NRG3: variants seen among roughly 807,000 people sequenced by gnomAD.
NRG3 encodes the protein pro-neuregulin-3, membrane-bound isoform.
A neutral mutation model predicts 66.9 loss-of-function variants in NRG3; 31 were observed. That is an observed-to-expected ratio of 0.46 (90% CI 0.35 to 0.63). The LOEUF is 0.63. Among genes scored for constraint, NRG3 ranks in the 20% least tolerant of loss-of-function variants. The probability of loss-of-function intolerance (pLI) is 0.00; values close to 1 mark genes in which losing one functional copy is unlikely to be tolerated. For synonymous variants in NRG3, 393 were observed against 359.4 expected (o/e 1.09, Z -1.06); for missense variants, 910 against 878.9 (o/e 1.04, Z -0.45).
intron 2 of NRG3, among the ~76,000 whole-genome samples, chr10:82,556,388 A>C (rs1371111115): frequency 6.6e-6 from 1 of 152,010 alleles, no homozygotes; most frequent in Non-Finnish European, 1.5e-5. Context: ...TGAATCTAAC[A>C]GTAAAGTTGA....
At chr10:81,983,586 A>G (rs2060414681) in intron 1 of NRG3, among the ~76,000 whole-genome samples, 1 of 152,194 alleles carries the variant, frequency 6.6e-6, no homozygotes, top group Non-Finnish European at 1.5e-5. Flanking sequence ...TGACAAAGTA[A>G]TTACTACCTA....
intron 2 of NRG3, among the ~76,000 whole-genome samples, chr10:82,437,238 C>G (rs1405699376): frequency 1.3e-5 from 2 of 151,684 alleles, no homozygotes; most frequent in Non-Finnish European, 2.9e-5. Context: ...TCATTCCTTT[C>G]CATTCTTTTT....
rs112145098 is a variant in NRG3, at chr10:82,906,742, A to AT, written c.1054+41314dup. ...AATCCATTGAGCAAATCACACCAAC[A>AT]TTTTTTTTTCATCATTCTTAAATGT... On this transcript the variant is annotated intron_variant, in intron 4 of 8. Transcript: ENST00000372141. Among the ~76,000 whole-genome samples the AT allele has an allele frequency of 3.4e-3, 515 of 151,470 alleles. 2 individuals carry two copies. Among genetic ancestry groups the AT allele is most frequent in the African/African-American group, 0.012 (480 of 41,284 alleles).
chr10:82,647,535 G>A (rs2051041039), intron 2 of NRG3, among the ~76,000 whole-genome samples: 1 of 152,052 alleles, frequency 6.6e-6, no homozygotes, highest in Non-Finnish European at 1.5e-5. Context: ...TGGGATGGCT[G>A]GGCCAAATGG....
rs141139284 is a variant in NRG3, at chr10:81,934,711, T to G, written c.823+58548T>G. On this transcript the variant is annotated intron_variant, in intron 1 of 8. Transcript: ENST00000372141. ...GGAATTGGGATTTGCAATTTTTTGC[T>G]ATAATTTATTTTAGATCACCTATTA... is the stretch of plus-strand genomic sequence containing the variant. 8.3e-3 allele frequency among the ~76,000 whole-genome samples: 1,269 copies of G among 152,340 alleles called. 6 individuals carry two copies. The highest frequency in any genetic ancestry group is 0.014 in the Non-Finnish European group (934 of 68,030).
At chr10:81,962,892 A>G (rs2059575465) in intron 1 of NRG3, among the ~76,000 whole-genome samples, 1 of 152,104 alleles carries the variant, frequency 6.6e-6, no homozygotes, top group African/African-American at 2.4e-5. Context: ...CTGCATAGTG[A>G]TTGGCTTTCA....
intron 1 of NRG3, among the ~76,000 whole-genome samples, chr10:82,089,799 T>G (rs944900856): frequency 6.6e-6 from 1 of 152,130 alleles, no homozygotes; most frequent in African/African-American, 2.4e-5. Context: ...TCAATCTTTC[T>G]TTTAAGAGAA....
At chr10:82,100,440 G>C (rs1304781427) in intron 1 of NRG3, among the ~76,000 whole-genome samples, 1 of 151,870 alleles carries the variant, frequency 6.6e-6, no homozygotes. Context: ...GATGTATAAT[G>C]GACTTTCTTC....
intron 2 of NRG3, among the ~76,000 whole-genome samples, chr10:82,557,659 T>C (rs549574368): frequency 1.8e-4 from 27 of 152,184 alleles, no homozygotes; most frequent in African/African-American, 6.5e-4. Flanking sequence ...AGCATTTTTT[T>C]TCTTGATCAT....
chr10:82,775,692 A>G (rs1239640606), intron 3 of NRG3, among the ~76,000 whole-genome samples: 3 of 152,168 alleles, frequency 2.0e-5, no homozygotes, highest in Non-Finnish European at 4.4e-5. Flanking sequence ...TATTATTAAT[A>G]GTGAGGTATT....
intron 1 of NRG3, among the ~76,000 whole-genome samples, chr10:82,044,562 AT>A (rs996919056): frequency 2.8e-4 from 42 of 151,912 alleles, no homozygotes; most frequent in African/African-American, 9.4e-4. Flanking sequence ...TAACGAAATA[AT>A]TTTTTTTAAT....
chr10:82,154,474 G>A (rs1350411751), intron 1 of NRG3, among the ~76,000 whole-genome samples: 1 of 151,196 alleles, frequency 6.6e-6, no homozygotes, highest in Non-Finnish European at 1.5e-5. Context: ...TGCTATTATA[G>A]CTTTGTAATA....
chr10:81,901,617 C>G (rs964264066), intron 1 of NRG3, among the ~76,000 whole-genome samples: 4 of 152,062 alleles, frequency 2.6e-5, no homozygotes, highest in Non-Finnish European at 4.4e-5. Flanking sequence ...TACAGTGATA[C>G]CGATTGCATC....
chr10:81,938,643 A>ATGTGTG (rs1564674211), intron 1 of NRG3, among the ~76,000 whole-genome samples: 32,697 of 144,954 alleles, frequency 0.23, 4,172 homozygotes, highest in East Asian at 0.39. Context: ...GTGTGTGTGC[A>ATGTGTG]TGCATGCATG....
chr10:82,677,651 A>G (rs1382353872), intron 2 of NRG3, among the ~76,000 whole-genome samples: 2 of 152,186 alleles, frequency 1.3e-5, no homozygotes, highest in Non-Finnish European at 2.9e-5. Flanking sequence ...TGCATCTGCA[A>G]TACTACCTCA....
At chr10:82,656,079 G>A (rs1333662106) in intron 2 of NRG3, among the ~76,000 whole-genome samples, 2 of 152,138 alleles carry the variant, frequency 1.3e-5, no homozygotes, top group East Asian at 1.9e-4. Flanking sequence ...TGCCTCTGGG[G>A]AGAGCATCTA....
intron 1 of NRG3, among the ~76,000 whole-genome samples, chr10:81,955,097 ATGTT>A (rs201736526): frequency 0.027 from 4,107 of 149,442 alleles, 84 homozygotes; most frequent in African/African-American, 0.059. Flanking sequence ...TATAAAATAT[ATGTT>A]TGTTCTGTTA....
intron 2 of NRG3, among the ~76,000 whole-genome samples, chr10:82,469,624 A>G (rs1841037781): frequency 6.6e-6 from 1 of 152,162 alleles, no homozygotes; most frequent in East Asian, 1.9e-4. Flanking sequence ...ATCAGGGACC[A>G]ATTGTGAAGG....
intron 2 of NRG3, among the ~76,000 whole-genome samples, chr10:82,402,766 G>A (rs114846716): frequency 9.9e-5 from 15 of 152,186 alleles, no homozygotes; most frequent in African/African-American, 1.4e-4. Context: ...GTGCCTGTGC[G>A]TGTGTGAGTG....
Sources: gnomAD v4.1 joint callset for allele counts (sites outside exome capture counted in the v4.1 genomes callset) on GRCh38, gnomAD v4.1.1 for gene constraint, MANE v1.5 for transcripts, NCBI Gene and HGNC (gene_info 2026-07-23, HGNC 2026-07-21) for gene names.